DCC: variants seen among roughly 807,000 people sequenced by gnomAD.
DCC encodes DCC netrin 1 receptor, also known as netrin receptor DCC.
A neutral mutation model predicts 172.5 loss-of-function variants in DCC; 58 were observed. That is an observed-to-expected ratio of 0.34 (90% CI 0.27 to 0.42). The LOEUF is 0.42. DCC is among the 10% of genes least tolerant of loss of function. The probability of loss-of-function intolerance (pLI) is 1.00; values close to 1 mark genes in which losing one functional copy is unlikely to be tolerated. For synonymous variants in DCC, 709 were observed against 644.5 expected, an observed-to-expected ratio of 1.10 and a Z score of -1.52; for missense variants, 1,740 against 1,791.0, an observed-to-expected ratio of 0.97 and a Z score of 0.51.
chr18:53,426,838 T>G lies in DCC; in HGVS notation c.3164-8306T>G, dbSNP rs919489844. ...TGGAGACATAAATGATGAAATACTG[T>G]GCTCCAACAGTGTCGTTATCTACAC... is the stretch of plus-strand genomic sequence containing the variant. On this transcript the variant is annotated intron_variant, in intron 21 of 28. Coordinates refer to ENST00000442544, the MANE Select transcript of DCC (RefSeq NM_005215.4). Among the ~76,000 whole-genome samples the G allele has an allele frequency of 3.3e-5, 5 of 151,806 alleles. No homozygotes were observed. The East Asian group carries it at 9.7e-4, about 29-fold the overall frequency.
At chr18:53,015,122 G>C (rs1268957572) in intron 5 of DCC, among the ~76,000 whole-genome samples, 1 of 152,138 alleles carries the variant, frequency 6.6e-6, no homozygotes, top group Non-Finnish European at 1.5e-5. Context: ...ACTATCACTA[G>C]ATTTTGCCTC....
At chr18:53,499,130 G>A (rs563095983) in intron 26 of DCC, among the ~76,000 whole-genome samples, 168 bp from the exon 27 acceptor site, 1 of 152,286 alleles carries the variant, frequency 6.6e-6, no homozygotes, top group East Asian at 1.9e-4. Context: ...GTGCTGTCAT[G>A]TTCCGTAAGT....
chr18:53,183,717 A>C (rs140458356), intron 9 of DCC, among the ~76,000 whole-genome samples: 1 of 152,076 alleles, frequency 6.6e-6, no homozygotes, highest in Admixed American at 6.6e-5. Flanking sequence ...GTGACTTTAG[A>C]ATATATTATC....
intron 9 of DCC, among the ~76,000 whole-genome samples, chr18:53,197,419 G>GTT (rs11427253): frequency 0.11 from 12,633 of 119,404 alleles, 856 homozygotes; most frequent in African/African-American, 0.17. Flanking sequence ...TTTTATTTTA[G>GTT]TTTTTTTTTT....
intron 1 of DCC, among the ~76,000 whole-genome samples, chr18:52,551,067 A>G (rs185103410): frequency 1.2e-4 from 18 of 152,140 alleles, no homozygotes; most frequent in Admixed American, 1.2e-3. Flanking sequence ...TTCAGAAACA[A>G]TACTGTTGTC....
At chr18:53,324,543 A>G (rs1393761552) in intron 14 of DCC, among the ~76,000 whole-genome samples, 1 of 152,132 alleles carries the variant, frequency 6.6e-6, no homozygotes, top group African/African-American at 2.4e-5. Flanking sequence ...TTTAGATGAA[A>G]CATGAACCCA....
In DCC at chr18:52,700,467, C is replaced by G. The variant is rs912029811; in HGVS notation, c.92-51587C>G. On this transcript the variant is annotated intron_variant, in intron 1 of 28. Transcript: ENST00000442544. ...CCATGATGTCCAACTTAATTTTTCC[C>G]TGTCATGCTACATCCAGGTAGTCTC... Among the ~76,000 whole-genome samples the G allele has an allele frequency of 2.6e-5, 4 of 152,174 alleles. No homozygotes were observed. The East Asian group carries it at 7.7e-4, about 29-fold the overall frequency.
chr18:53,534,054 T>C lies in DCC; in HGVS notation c.*3401T>C, dbSNP rs935751164. 2.0e-5 allele frequency: 3 copies of C among 152,220 alleles called. No homozygotes were observed. The highest frequency in any genetic ancestry group is 7.2e-5 in the African/African-American group (3 of 41,458). The allele number at this position is 152,220 out of a possible 1,614,324, so 9.4% of individuals were successfully genotyped here. On this transcript the variant is annotated 3_prime_UTR_variant, in exon 29 of 29. Coordinates refer to ENST00000442544, the MANE Select transcript of DCC (RefSeq NM_005215.4). ...GTCTGTGCTTGAAGATGATTGCTGA[T>C]ACTTATCCACCCTTTGGGTACTTCT...
intron 9 of DCC, among the ~76,000 whole-genome samples, chr18:53,193,363 C>T (rs760615689): frequency 1.3e-5 from 2 of 151,976 alleles, no homozygotes; most frequent in African/African-American, 2.4e-5. Context: ...CTCAAATCCC[C>T]GCAGTGCCTG....
intron 1 of DCC, among the ~76,000 whole-genome samples, chr18:52,377,951 C>A (rs1034109461): frequency 6.6e-6 from 1 of 151,998 alleles, no homozygotes; most frequent in Non-Finnish European, 1.5e-5. Context: ...CCCCCTGCCT[C>A]GGCCTCCCAA....
At chr18:52,398,466 A>C (rs1364699781) in intron 1 of DCC, among the ~76,000 whole-genome samples, 1 of 151,958 alleles carries the variant, frequency 6.6e-6, no homozygotes, top group South Asian at 2.1e-4. Context: ...TTTGTATTGT[A>C]ACTTTTTATG....
chr18:53,137,471 A>T (rs1327532282), intron 7 of DCC, among the ~76,000 whole-genome samples: 1 of 152,220 alleles, frequency 6.6e-6, no homozygotes, highest in Non-Finnish European at 1.5e-5. Context: ...TGGGATCAGC[A>T]GAAGCTCTTC....
intron 2 of DCC, among the ~76,000 whole-genome samples, chr18:52,815,060 G>A (rs984521405): frequency 7.9e-5 from 12 of 152,120 alleles, no homozygotes; most frequent in African/African-American, 2.7e-4. Flanking sequence ...GACATCAAAC[G>A]GGGTGGGCTG....
At chr18:53,320,777 A>T (rs910168942) in intron 13 of DCC, among the ~76,000 whole-genome samples, 1 of 152,132 alleles carries the variant, frequency 6.6e-6, no homozygotes, top group Non-Finnish European at 1.5e-5. Flanking sequence ...TTCAGGTACT[A>T]TTGTGGGCCC....
chr18:52,568,732 CA>C (rs915136103), intron 1 of DCC, among the ~76,000 whole-genome samples: 1 of 152,170 alleles, frequency 6.6e-6, no homozygotes, highest in African/African-American at 2.4e-5. Flanking sequence ...TACCCATAGA[CA>C]AAAAGCACAG....
At chr18:52,492,957 A>G (rs2030579708) in intron 1 of DCC, among the ~76,000 whole-genome samples, 2 of 152,118 alleles carry the variant, frequency 1.3e-5, no homozygotes, top group South Asian at 2.1e-4. Flanking sequence ...GCATGTTGAG[A>G]TAAAGTTGAA....
intron 12 of DCC, among the ~76,000 whole-genome samples, chr18:53,222,415 T>C (rs8089330): frequency 0.87 from 122,093 of 140,722 alleles, 53,257 homozygotes; most frequent in Admixed American, 0.92. Context: ...AATGGAGTCT[T>C]GCTCTGTCAC....
chr18:52,663,220 G>T (rs186626072), intron 1 of DCC, among the ~76,000 whole-genome samples: 1 of 152,124 alleles, frequency 6.6e-6, no homozygotes, highest in Non-Finnish European at 1.5e-5. Flanking sequence ...CAATAATTTT[G>T]CATCCTAAGT....
intron 5 of DCC, among the ~76,000 whole-genome samples, chr18:52,952,266 T>C (rs1367110882): frequency 1.3e-5 from 2 of 152,194 alleles, no homozygotes; most frequent in Admixed American, 1.3e-4. Flanking sequence ...AAGGAGTATA[T>C]GAACACTAAA....
Sources: gnomAD v4.1 joint callset for allele counts (sites outside exome capture counted in the v4.1 genomes callset) on GRCh38, gnomAD v4.1.1 for gene constraint, MANE v1.5 for transcripts, NCBI Gene and HGNC (gene_info 2026-07-23, HGNC 2026-07-21) for gene names.